BEND7: variants seen among roughly 807,000 people sequenced by gnomAD.
BEND7 encodes the protein BEN domain containing 7, also known as BEN domain-containing protein 7.
In BEND7, 28 loss-of-function variants were observed where a neutral mutation model predicts 50.9. The observed-to-expected ratio is 0.55, with a 90% confidence interval of 0.41 to 0.75. The LOEUF (loss-of-function observed/expected upper bound fraction) is 0.75, where lower values mean the gene tolerates loss of function less well. Ranked by LOEUF, BEND7 falls within the 30% of genes least tolerant of loss-of-function variation. The pLI is 0.00. For synonymous variants in BEND7, 170 were observed against 183.9 expected (o/e 0.92, Z 0.61); for missense variants, 477 against 491.3 (o/e 0.97, Z 0.28).
Position 13,473,411 on chromosome 10 carries a change from C to T in BEND7, c.1063+7488G>A, listed in dbSNP as rs141055869. ...GCTGGTATCCATCATCGCTGTTGGA[C>T]TCGGGGCCGACATCCGTCATCACTG... is the stretch of plus-strand genomic sequence containing the variant. On this transcript the variant is annotated intron_variant, in intron 6 of 8. Transcript: ENST00000466271. 8.3e-3 allele frequency among the ~76,000 whole-genome samples: 1,247 copies of T among 151,056 alleles called. 18 individuals are homozygous for T. The highest frequency in any genetic ancestry group is 0.028 in the African/African-American group (1,145 of 41,072).
At position 13,441,445 on chromosome 10, in the gene BEND7, G is replaced by C; in HGVS notation, c.*298C>G. 8.6e-7 allele frequency: 1 copy of C among 1,163,122 alleles called. No individual in the cohort carries two copies. The highest frequency in any genetic ancestry group is 5.1e-5 in the Admixed American group (1 of 19,750). The allele number at this position is 1,163,122 out of a possible 1,614,324, so 72.1% of individuals were successfully genotyped here. On this transcript the variant is annotated 3_prime_UTR_variant, in exon 9 of 9. Transcript: ENST00000466271. ...TTTCCAGTGTGTAGATCCGTTCATCGCACACATCTTTGGGTTGAACAAGCT... is the reference window on the plus strand; with the variant it reads ...TTTCCAGTGTGTAGATCCGTTCATCCCACACATCTTTGGGTTGAACAAGCT...
At chr10:13,504,767 G>A (rs574121176) in intron 2 of BEND7, among the ~76,000 whole-genome samples, 30 of 152,286 alleles carry the variant, frequency 2.0e-4, no homozygotes, top group African/African-American at 7.0e-4. Context: ...TCCATGCCAC[G>A]TGACTACCTT....
At chr10:13,496,927 C>CAAAAAAA in intron 3 of BEND7, 39 bp from the exon 4 acceptor site, 1 of 810,694 alleles carries the variant, frequency 1.2e-6, no homozygotes, top group Non-Finnish European at 1.5e-6. Context: ...TCCAAACAAA[C>CAAAAAAA]CAAAAAAAAA....
chr10:13,493,366 C>G (rs574496974), intron 4 of BEND7, among the ~76,000 whole-genome samples: 1 of 152,076 alleles, frequency 6.6e-6, no homozygotes, highest in African/African-American at 2.4e-5. Flanking sequence ...TTGCGCAAGA[C>G]TGATCAAAAG....
intron 6 of BEND7, among the ~76,000 whole-genome samples, chr10:13,471,933 C>T (rs1367078005): frequency 1.3e-5 from 2 of 152,018 alleles, no homozygotes; most frequent in Non-Finnish European, 2.9e-5. Flanking sequence ...CTGTTAGACT[C>T]GGGGTCGATA....
At chr10:13,444,471 A>C (rs1484761168) in intron 8 of BEND7, 2 of 152,238 alleles carry the variant, frequency 1.3e-5, no homozygotes, top group Non-Finnish European at 2.9e-5. Context: ...GGAAGGAGGA[A>C]AAAAGACCTT....
intron 8 of BEND7, chr10:13,444,680 G>C (rs1033816627): frequency 6.6e-6 from 1 of 152,238 alleles, no homozygotes; most frequent in African/African-American, 2.4e-5. Context: ...GGGGTGTTAG[G>C]AGCAGCACTG....
chr10:13,525,790 G>T (rs2079419077), intron 2 of BEND7, among the ~76,000 whole-genome samples: 1 of 152,200 alleles, frequency 6.6e-6, no homozygotes, highest in Admixed American at 6.5e-5. Context: ...TGTCAAAGAT[G>T]TAATACCCCA....
chr10:13,439,346 G>A (rs1246245765), downstream of BEND7: 5 of 1,614,010 alleles, frequency 3.1e-6, no homozygotes, highest in Non-Finnish European at 4.2e-6. Context: ...CTCTGTCTCT[G>A]GTAAGGTTGT....
At chr10:13,452,700 A>G (rs1588656134) in intron 6 of BEND7, 42 bp from the exon 7 acceptor site, 3 of 1,505,482 alleles carry the variant, frequency 2.0e-6, no homozygotes, top group East Asian at 4.6e-5. Flanking sequence ...CTTAACAAGT[A>G]AAATATGCAG....
chr10:13,501,493 C>A (rs72785321), intron 2 of BEND7, among the ~76,000 whole-genome samples: 18,995 of 151,950 alleles, frequency 0.13, 1,594 homozygotes, highest in Middle Eastern at 0.2. Context: ...TGTGCATCAG[C>A]CAGTATCTTC....
At chr10:13,518,501 A>G (rs577456459) in intron 2 of BEND7, among the ~76,000 whole-genome samples, 1 of 152,368 alleles carries the variant, frequency 6.6e-6, no homozygotes, top group African/African-American at 2.4e-5. Flanking sequence ...CAATGTCAAC[A>G]TCAGTTTACA....
At chr10:13,460,392 C>T (rs1839968946) in intron 6 of BEND7, among the ~76,000 whole-genome samples, 1 of 152,202 alleles carries the variant, frequency 6.6e-6, no homozygotes, top group South Asian at 2.1e-4. Context: ...AAAGAGCCTT[C>T]TAGAAGAGAG....
Position 13,480,906 on chromosome 10 carries a change from T to C in BEND7, c.1056A>G (p.Ala352=), listed in dbSNP as rs1432917712. Residue 352 remains alanine (A), a synonymous_variant, in exon 6 of 9, where the codon GCA becomes GCG. Transcript: ENST00000466271. ...RKGLDQNIVG[A]IKVFTEKYCT... ...GAAATGATGCAGACCAACCTTTTATTGCACCCACAATATTTTGGTCTAGTC... is the reference window on the plus strand; with the variant it reads ...GAAATGATGCAGACCAACCTTTTATCGCACCCACAATATTTTGGTCTAGTC... 27 of 1,614,050 alleles carry C rather than the reference T, an allele frequency of 1.7e-5. No homozygotes were observed. The highest frequency in any genetic ancestry group is 3.3e-5 in the Admixed American group (2 of 60,000).
At chr10:13,515,032 A>G (rs1000294653) in intron 2 of BEND7, among the ~76,000 whole-genome samples, 4 of 152,268 alleles carry the variant, frequency 2.6e-5, no homozygotes, top group Non-Finnish European at 4.4e-5. Flanking sequence ...AACAGAATAA[A>G]TTCTTGGAAT....
At chr10:13,526,933 A>C (rs1427314107) in intron 1 of BEND7, among the ~76,000 whole-genome samples, 1 of 152,244 alleles carries the variant, frequency 6.6e-6, no homozygotes, top group Non-Finnish European at 1.5e-5. Context: ...GTATTTTACA[A>C]GCTTCTCTAT....
Position 13,528,634 on chromosome 10 carries a change from C to G in BEND7, c.-101G>C. 1.8e-6 allele frequency: 1 copy of G among 565,410 alleles called. No homozygotes were observed. Among genetic ancestry groups the G allele is most frequent in the Non-Finnish European group, 2.2e-6 (1 of 448,248 alleles). The allele number at this position is 565,410 out of a possible 1,614,324, so 35.0% of individuals were successfully genotyped here. A position where few individuals can be genotyped will look rare whatever the true frequency, so the allele number is the denominator to read the frequency against. On this transcript the variant is annotated 5_prime_UTR_variant, in exon 1 of 9. Transcript: ENST00000466271. ...GCGGCGCGGGCTCGTGTCACCGCGG[C>G]GGAGCCGCCGGGACCAAGGTCCGCG...
chr10:13,464,929 A>AGAAGAC lies in BEND7; in HGVS notation c.1064-12277_1064-12272dup, dbSNP rs1413479015. Among the ~76,000 whole-genome samples the AGAAGAC allele has an allele frequency of 2.0e-5, 3 of 152,226 alleles. No homozygotes were observed. In the East Asian group the frequency reaches 5.8e-4, roughly 29 times the overall value. ...GTAATTTGCCTTCGGGGAATAACAG[A>AGAAGAC]GAAGACAGCAGTGCATCTCATCCTT... is the stretch of plus-strand genomic sequence containing the variant. On this transcript the variant is annotated intron_variant, in intron 6 of 8. Coordinates refer to ENST00000466271, the MANE Select transcript of BEND7 (RefSeq NM_001369863.1).
chr10:13,487,156 C>A (rs181296340), intron 5 of BEND7, among the ~76,000 whole-genome samples: 92 of 152,310 alleles, frequency 6.0e-4, no homozygotes, highest in African/African-American at 2.2e-3. Flanking sequence ...ATTCCATGCC[C>A]TAGGCTAACA....
Sources: gnomAD v4.1 joint callset for allele counts (sites outside exome capture counted in the v4.1 genomes callset) on GRCh38, gnomAD v4.1.1 for gene constraint, MANE v1.5 for transcripts, NCBI Gene and HGNC (gene_info 2026-07-23, HGNC 2026-07-21) for gene names.